RIMS1: variants seen among roughly 807,000 people sequenced by gnomAD.
RIMS1 encodes the protein regulating synaptic membrane exocytosis protein 1.
Under a neutral mutation model 214.1 loss-of-function variants are expected in RIMS1, and 83 were observed. The ratio of observed to expected loss-of-function variants is 0.39; its 90% CI spans 0.32 to 0.47. The LOEUF (loss-of-function observed/expected upper bound fraction) is 0.47. Ranked by LOEUF, RIMS1 falls within the 20% of genes least tolerant of loss-of-function variation. RIMS1 has a pLI of 0.99. For synonymous variants in RIMS1, 793 were observed against 786.8 expected (o/e 1.01, Z -0.13); for missense variants, 2,050 against 2,161.8 (o/e 0.95, Z 1.03).
At chr6:71,923,382 T>G (rs1780593178) in intron 1 of RIMS1, among the ~76,000 whole-genome samples, 1 of 152,160 alleles carries the variant, frequency 6.6e-6, no homozygotes. Context: ...GTGCGGATTT[T>G]CTTCAGGATA....
At chr6:72,268,857 T>C (rs555913807) in intron 22 of RIMS1, among the ~76,000 whole-genome samples, 2 of 152,200 alleles carry the variant, frequency 1.3e-5, no homozygotes, top group Non-Finnish European at 2.9e-5. Flanking sequence ...TAAATCAATA[T>C]ATTTGAGGTT....
At chr6:72,391,738 A>T (rs1176717755) in intron 30 of RIMS1, among the ~76,000 whole-genome samples, 3 of 152,210 alleles carry the variant, frequency 2.0e-5, no homozygotes, top group African/African-American at 7.2e-5. Context: ...AGTAAGGAAT[A>T]TAAGAACAAA....
chr6:72,012,197 G>A (rs1160708349), intron 2 of RIMS1, among the ~76,000 whole-genome samples: 1 of 152,076 alleles, frequency 6.6e-6, no homozygotes, highest in Non-Finnish European at 1.5e-5. Flanking sequence ...GGAGGAAGCT[G>A]GAAACCATCA....
At chr6:72,264,794 G>A (rs986161609) in intron 19 of RIMS1, among the ~76,000 whole-genome samples, 181 bp from the exon 20 acceptor site, 3 of 151,972 alleles carry the variant, frequency 2.0e-5, no homozygotes, top group Non-Finnish European at 4.4e-5. Flanking sequence ...AAGTGTCTAT[G>A]ATTTCATATT....
At chr6:72,234,266 T>G (rs984372589) in intron 7 of RIMS1, among the ~76,000 whole-genome samples, 6 of 152,034 alleles carry the variant, frequency 3.9e-5, no homozygotes, top group African/African-American at 1.4e-4. Context: ...AAAATTTTTA[T>G]AAGCCAAGGA....
chr6:72,041,106 G>A (rs1821315632), intron 2 of RIMS1, among the ~76,000 whole-genome samples: 1 of 151,836 alleles, frequency 6.6e-6, no homozygotes, highest in Admixed American at 6.6e-5. Context: ...ATGCACATAG[G>A]AATACACATT....
intron 2 of RIMS1, among the ~76,000 whole-genome samples, chr6:72,021,480 A>T (rs759861606): frequency 1.3e-5 from 2 of 152,152 alleles, no homozygotes; most frequent in Non-Finnish European, 2.9e-5. Flanking sequence ...ATATGATGCA[A>T]TCCCTGTCCT....
intron 23 of RIMS1, among the ~76,000 whole-genome samples, chr6:72,277,377 C>G (rs1367085714): frequency 2.0e-5 from 3 of 151,076 alleles, no homozygotes; most frequent in Non-Finnish European, 3.0e-5. Context: ...GTCAGGAGAT[C>G]GAGACCATCC....
chr6:72,347,165 C>T (rs1197160966), intron 29 of RIMS1, among the ~76,000 whole-genome samples: 1 of 151,918 alleles, frequency 6.6e-6, no homozygotes, highest in East Asian at 1.9e-4. Flanking sequence ...AGATAAGACT[C>T]TTTATATCTT....
At chr6:72,280,226 A>G (rs2089381225) in intron 23 of RIMS1, among the ~76,000 whole-genome samples, 1 of 152,022 alleles carries the variant, frequency 6.6e-6, no homozygotes. Flanking sequence ...TTACACTGAT[A>G]ATCCAAACAG....
At chr6:72,378,805 C>T (rs746806882) in intron 29 of RIMS1, among the ~76,000 whole-genome samples, 2 of 152,196 alleles carry the variant, frequency 1.3e-5, no homozygotes, top group Non-Finnish European at 2.9e-5. Context: ...TGCCACTTCA[C>T]TCCAGCCTGG....
At position 72,245,865 on chromosome 6, in the gene RIMS1, A is replaced by G; in HGVS notation, c.2128+4A>G. The G allele has an allele frequency of 6.3e-7, 1 of 1,580,526 alleles. No homozygotes were observed. The highest frequency in any genetic ancestry group is 8.7e-7 in the Non-Finnish European group (1 of 1,149,816). On this transcript the variant is annotated splice_donor_region_variant and intron_variant, in intron 11 of 33. Transcript: ENST00000521978. ...TCCCACCCTCCACTGGAGTCCAGTG[A>G]GTATAAGGTTTCTTTGTTATTATAA...
intron 28 of RIMS1, among the ~76,000 whole-genome samples, chr6:72,323,341 G>A (rs1036395947): frequency 6.6e-6 from 1 of 151,958 alleles, no homozygotes; most frequent in Non-Finnish European, 1.5e-5. Flanking sequence ...TTATCAAATA[G>A]AGAGAGACTT....
intron 6 of RIMS1, chr6:72,213,111 A>G: frequency 6.5e-7 from 1 of 1,536,830 alleles, no homozygotes; most frequent in South Asian, 1.2e-5. Flanking sequence ...ATTTATTTCC[A>G]AGTTTGCTGT....
rs759927773 is a variant in RIMS1 at position 72,237,894 on chromosome 6, A to G, written c.1929A>G (p.Leu643=). 2 of 1,613,234 alleles carry G rather than the reference A, an allele frequency of 1.2e-6. No homozygotes were observed. The highest frequency in any genetic ancestry group is 2.2e-5 in the East Asian group (1 of 44,850). The change falls in exon 9 of 34, where the codon CTA becomes CTG. Residue 643 remains leucine (L), a synonymous_variant. Coordinates refer to ENST00000521978, the MANE Select transcript of RIMS1 (RefSeq NM_014989.7). ...AFITKVKKGS[L]ADVVGHLRAG... is the part of the protein sequence containing the mutation. ...TCACCAAAGTAAAGAAGGGTAGCCT[A>G]GCAGATGTAGTTGGACACCTAAGAG...
chr6:72,232,016 A>G (rs1232294352), intron 6 of RIMS1, among the ~76,000 whole-genome samples: 4 of 151,648 alleles, frequency 2.6e-5, no homozygotes, highest in Admixed American at 2.0e-4. Context: ...GATACAATAA[A>G]CTTTTGTTTT....
At chr6:72,333,449 C>A (rs931289720) in intron 28 of RIMS1, 151 bp from the exon 29 acceptor site, 9 of 583,488 alleles carry the variant, frequency 1.5e-5, no homozygotes, top group Non-Finnish European at 2.8e-5. Flanking sequence ...TGGTGTGATA[C>A]TAAAGTATTT....
chr6:72,223,525 AT>A (rs2154053788), intron 6 of RIMS1, among the ~76,000 whole-genome samples: 1 of 152,332 alleles, frequency 6.6e-6, no homozygotes, highest in South Asian at 2.1e-4. Flanking sequence ...AGTGAAATAA[AT>A]TTAAAATACA....
Position 72,318,979 on chromosome 6 carries a change from C to T in RIMS1, c.4130+5307C>T, listed in dbSNP as rs146794972. On this transcript the variant is annotated intron_variant, in intron 28 of 33. Transcript: ENST00000521978. ...TTTAGAATCAGAATATATCATCTAC[C>T]ATACTGCCAGAAATAGTTCATATTT... Among the ~76,000 whole-genome samples the T allele has an allele frequency of 3.0e-3, 457 of 152,192 alleles. 1 individual carries two copies. The highest frequency in any genetic ancestry group is 5.0e-3 in the Admixed American group (76 of 15,280).
Sources: allele counts gnomAD v4.1 joint callset (sites outside exome capture counted in the v4.1 genomes callset), GRCh38; gene constraint gnomAD v4.1.1; transcripts MANE v1.5; gene names NCBI Gene and HGNC (gene_info 2026-07-23, HGNC 2026-07-21).